CKAP5: variants seen among roughly 807,000 people sequenced by gnomAD.
The protein encoded by CKAP5 is cytoskeleton associated protein 5.
CKAP5 carries 27 observed loss-of-function variants against 232.8 expected under a neutral mutation model. The ratio of observed to expected loss-of-function variants is 0.12; its 90% CI spans 0.09 to 0.16. CKAP5 has a LOEUF of 0.16. CKAP5 is among the 10% of genes least tolerant of loss of function. CKAP5 has a pLI of 1.00. For synonymous variants in CKAP5, 785 were observed against 841.1 expected (o/e 0.93, Z 1.16); for missense variants, 1,838 against 2,424.7 (o/e 0.76, Z 5.08).
intron 8 of CKAP5, among the ~76,000 whole-genome samples, chr11:46,806,800 G>C (rs576195059): frequency 6.6e-6 from 1 of 152,302 alleles, no homozygotes; most frequent in East Asian, 1.9e-4. Flanking sequence ...GTCATTTACA[G>C]ACAAGTTCAG....
chr11:46,804,893 A>G (rs148236839), intron 8 of CKAP5, among the ~76,000 whole-genome samples: 73 of 151,846 alleles, frequency 4.8e-4, no homozygotes, highest in Non-Finnish European at 8.8e-4. Context: ...GCATAGGCAC[A>G]TGACAAAATC....
chr11:46,814,243 C>T (rs1358704492), intron 4 of CKAP5, among the ~76,000 whole-genome samples: 1 of 150,798 alleles, frequency 6.6e-6, no homozygotes, highest in South Asian at 2.1e-4. Context: ...TAAGATGAGT[C>T]ACTAAATTTC....
rs576549578 is a variant in CKAP5, at chr11:46,763,039, A to G, written c.3828T>C (p.Ser1276=). Residue 1276 remains serine, a synonymous_variant, in exon 30 of 44, where the codon AGT becomes AGC. Transcript: ENST00000529230. The part of the protein sequence containing the change: ...EYLKLLFTLL[S]EEEYHLTENE... The stretch of plus-strand genomic sequence containing the variant: ...TCTCAGTAAGATGATATTCTTCTTC[A>G]CTTAGCAAGGTGAAGAGCAATTTTA... 1 of 1,613,882 alleles carries G rather than the reference A, an allele frequency of 6.2e-7. No individual in the cohort carries two copies. The highest frequency in any genetic ancestry group is 1.3e-5 in the African/African-American group (1 of 75,050).
intron 1 of CKAP5, among the ~76,000 whole-genome samples, chr11:46,830,846 C>T (rs942343787): frequency 6.6e-6 from 1 of 152,040 alleles, no homozygotes; most frequent in East Asian, 1.9e-4. Context: ...GGGCGGATCA[C>T]GAGGTCAGGA....
chr11:46,813,761 C>T (rs1939328941), intron 4 of CKAP5, among the ~76,000 whole-genome samples: 1 of 152,108 alleles, frequency 6.6e-6, no homozygotes, highest in African/African-American at 2.4e-5. Flanking sequence ...TATTTTCCTA[C>T]CCTTATTCTC....
chr11:46,816,731 AT>A (rs1391711272), intron 3 of CKAP5, among the ~76,000 whole-genome samples: 2 of 151,424 alleles, frequency 1.3e-5, no homozygotes, highest in African/African-American at 4.9e-5. Context: ...GTGTGTGTGT[AT>A]ATGGACATAC....
chr11:46,795,120 G>A (rs4075619), intron 13 of CKAP5, among the ~76,000 whole-genome samples: 97,579 of 152,030 alleles, frequency 0.64, 33,045 homozygotes, highest in Non-Finnish European at 0.77. Flanking sequence ...CCTGAGGTCA[G>A]GAGTTCAAGA....
chr11:46,771,254 A>G (rs1234614383), intron 24 of CKAP5, among the ~76,000 whole-genome samples: 2 of 152,258 alleles, frequency 1.3e-5, no homozygotes, highest in African/African-American at 2.4e-5. Context: ...TTAAAGATGA[A>G]AAACTTTTAC....
chr11:46,772,692 T>C (rs911569886), intron 24 of CKAP5, among the ~76,000 whole-genome samples: 2 of 152,228 alleles, frequency 1.3e-5, no homozygotes, highest in African/African-American at 4.8e-5. Flanking sequence ...AGTGTCTTGA[T>C]TACATTAGCA....
At chr11:46,807,014 T>C (rs1009480049) in intron 8 of CKAP5, among the ~76,000 whole-genome samples, 3 of 152,220 alleles carry the variant, frequency 2.0e-5, no homozygotes, top group Non-Finnish European at 4.4e-5. Flanking sequence ...TGAAATGCTG[T>C]CTAGTATTCC....
At chr11:46,826,396 A>G (rs1267310768) in intron 1 of CKAP5, among the ~76,000 whole-genome samples, 1 of 152,188 alleles carries the variant, frequency 6.6e-6, no homozygotes, top group African/African-American at 2.4e-5. Context: ...AAAGCTACCA[A>G]GGTCTTCAAA....
chr11:46,779,682 C>T (rs1424484428), intron 20 of CKAP5, among the ~76,000 whole-genome samples: 1 of 151,952 alleles, frequency 6.6e-6, no homozygotes, highest in East Asian at 1.9e-4. Context: ...TACAGTGGTA[C>T]AAACATGGCT....
chr11:46,809,170 A>C (rs1339731204), intron 7 of CKAP5, among the ~76,000 whole-genome samples: 1 of 152,116 alleles, frequency 6.6e-6, no homozygotes, highest in Non-Finnish European at 1.5e-5. Context: ...TAGAAAAAGG[A>C]AGTCAAGAAT....
intron 42 of CKAP5, among the ~76,000 whole-genome samples, chr11:46,745,662 A>C (rs1350423158): frequency 1.3e-5 from 2 of 152,078 alleles, no homozygotes; most frequent in Non-Finnish European, 2.9e-5. Flanking sequence ...GGGCAACAAA[A>C]AGAGACCCTG....
At chr11:46,796,425 G>A (rs1444000773) in intron 12 of CKAP5, among the ~76,000 whole-genome samples, 3 of 151,944 alleles carry the variant, frequency 2.0e-5, no homozygotes, top group South Asian at 2.1e-4. Flanking sequence ...TCTACAGATT[G>A]GTCACTCAGC....
intron 1 of CKAP5, among the ~76,000 whole-genome samples, chr11:46,844,933 C>T (rs1007924788): frequency 1.3e-5 from 2 of 152,170 alleles, no homozygotes; most frequent in Non-Finnish European, 2.9e-5. Context: ...GGATTACAGG[C>T]GTCAGCCACC....
chr11:46,822,229 T>C (rs1180670527), intron 1 of CKAP5, among the ~76,000 whole-genome samples: 1 of 152,000 alleles, frequency 6.6e-6, no homozygotes, highest in Admixed American at 6.6e-5. Context: ...TGCAGTGAGC[T>C]GTGATCATGC....
Position 46,790,103 on chromosome 11 carries a change from C to A in CKAP5, c.1848G>T (p.Arg616Ser), listed in dbSNP as rs746107700. The change falls in exon 15 of 44, where the codon AGG (arginine) becomes AGT (serine). Residue 616 changes from arginine (R) to serine (S), a missense_variant. This residue lies in a region of CKAP5 where 767 missense variants were observed against 954.6 expected (regional missense o/e 0.80). Coordinates refer to ENST00000529230, the MANE Select transcript of CKAP5 (RefSeq NM_001008938.4). ...TCTGGAACTCTTCCATACAAGCCAG[C>A]CTTTCTTTCCAGTTACTGCTGTCAA... The part of the protein sequence containing the change: ...QLLDSSNWKE[R>S]LACMEEFQKA... The A allele has an allele frequency of 6.2e-7, 1 of 1,611,728 alleles. No individual in the cohort carries two copies. Among genetic ancestry groups the A allele is most frequent in the Non-Finnish European group, 8.5e-7 (1 of 1,178,240 alleles).
Position 46,744,248 on chromosome 11 carries a change from A to G in CKAP5, c.5874T>C (p.Pro1958=). Residue 1958 remains proline (P), a synonymous_variant, in exon 44 of 44, where the codon CCT becomes CCC. Coordinates refer to ENST00000529230, the MANE Select transcript of CKAP5 (RefSeq NM_001008938.4). The part of the protein sequence containing the change: ...LDNTKQDDRP[P]LTSLLSKPAV... ...CTGGTTTGGAGAGCAAAGAGGTCAA[A>G]GGAGGTCGGTCATCTTGCTATTGAG... is the stretch of plus-strand genomic sequence containing the variant. The G allele has an allele frequency of 6.2e-7, 1 of 1,614,124 alleles. No individual in the cohort carries two copies. Among genetic ancestry groups the G allele is most frequent in the Non-Finnish European group, 8.5e-7 (1 of 1,180,028 alleles).
Sources: allele counts gnomAD v4.1 joint callset (sites outside exome capture counted in the v4.1 genomes callset), GRCh38; gene constraint gnomAD v4.1.1; regional missense constraint gnomAD v4.1.1; transcripts MANE v1.5; gene names NCBI Gene and HGNC (gene_info 2026-07-23, HGNC 2026-07-21).